The following PAM variants were observed in gnomAD, a reference collection of about 807,000 sequenced individuals.
PAM encodes the protein peptidylglycine alpha-amidating monooxygenase.
A neutral mutation model predicts 122.1 loss-of-function variants in PAM; 72 were observed. The ratio of observed to expected loss-of-function variants is 0.59; its 90% CI spans 0.49 to 0.72. The LOEUF (loss-of-function observed/expected upper bound fraction) is 0.72, where lower values mean the gene tolerates loss of function less well. PAM is among the 30% of genes least tolerant of loss of function. The pLI is 0.00. For missense variants in PAM, 1,106 were observed against 1,183.7 expected (o/e 0.93, Z 0.96); for synonymous variants, 389 against 404.4 (o/e 0.96, Z 0.46).
At chr5:102,803,342 C>T (rs986081482) in intron 1 of PAM, among the ~76,000 whole-genome samples, 16 of 151,956 alleles carry the variant, frequency 1.1e-4, no homozygotes, top group African/African-American at 3.9e-4. Flanking sequence ...AAATGGGTAA[C>T]AAGAGATGTT....
Position 102,808,787 on chromosome 5 carries a change from A to G in PAM, c.-374+53439A>G, listed in dbSNP as rs1057098623. Among the ~76,000 whole-genome samples, 6 of 152,328 alleles carry G rather than the reference A, an allele frequency of 3.9e-5. No individual in the cohort carries two copies. The East Asian group carries it at 1.2e-3, about 29-fold the overall frequency. ...GTATGAAGTTCAAAGTACAGTGATAATCATCATTCCATAGTTATGCCACAC... is the reference window on the plus strand; with the variant it reads ...GTATGAAGTTCAAAGTACAGTGATAGTCATCATTCCATAGTTATGCCACAC... On this transcript the variant is annotated intron_variant, in intron 1 of 25. Coordinates refer to ENST00000438793, the MANE Select transcript of PAM (RefSeq NM_001177306.2).
chr5:102,951,141 T>C (rs902083526), intron 12 of PAM, among the ~76,000 whole-genome samples: 51 of 152,078 alleles, frequency 3.4e-4, no homozygotes, highest in African/African-American at 1.1e-3. Flanking sequence ...GAAAATTTTT[T>C]TTCTCAAGTG....
chr5:102,928,958 T>TA lies in PAM; in HGVS notation c.526+2291dup, dbSNP rs200189707. Among the ~76,000 whole-genome samples, 1,435 of 152,114 alleles carry TA rather than the reference T, an allele frequency of 9.4e-3. 17 individuals carry two copies. The highest frequency in any genetic ancestry group is 0.016 in the Non-Finnish European group (1,121 of 67,970). ...ACTAGGACATTGGTTAAATAAATGGTATAACAACAAAAATAGCCAACAATA... is the reference window on the plus strand; with the variant it reads ...ACTAGGACATTGGTTAAATAAATGGTAATAACAACAAAAATAGCCAACAATA... On this transcript the variant is annotated intron_variant, in intron 7 of 25. Coordinates refer to ENST00000438793, the MANE Select transcript of PAM (RefSeq NM_001177306.2).
chr5:102,842,064 A>G (rs886235436), intron 1 of PAM, among the ~76,000 whole-genome samples: 9 of 152,120 alleles, frequency 5.9e-5, no homozygotes, highest in Non-Finnish European at 1.3e-4. Flanking sequence ...GGGTCCAAAC[A>G]TTATCGACAA....
At chr5:102,926,281 C>G (rs1207074668) in intron 6 of PAM, among the ~76,000 whole-genome samples, 1 of 152,174 alleles carries the variant, frequency 6.6e-6, no homozygotes, top group Non-Finnish European at 1.5e-5. Flanking sequence ...TTTAAATAAT[C>G]AATAGAGACA....
At chr5:102,904,994 T>C (rs1052653442) in intron 4 of PAM, among the ~76,000 whole-genome samples, 2 of 151,692 alleles carry the variant, frequency 1.3e-5, no homozygotes, top group East Asian at 1.9e-4. Flanking sequence ...TATTTAATTA[T>C]TGAATGTGAA....
intron 1 of PAM, among the ~76,000 whole-genome samples, chr5:102,833,720 A>G (rs763125752): frequency 2.0e-5 from 3 of 152,202 alleles, no homozygotes; most frequent in Non-Finnish European, 4.4e-5. Context: ...CCTCACAAAT[A>G]CTTGAAAGAC....
At chr5:102,898,302 TACAG>T (rs1350635015) in intron 3 of PAM, among the ~76,000 whole-genome samples, 2 of 151,576 alleles carry the variant, frequency 1.3e-5, no homozygotes, top group Non-Finnish European at 3.0e-5. Context: ...TTTAGTATTT[TACAG>T]ACAGTCCCCT....
At chr5:102,890,780 C>T (rs868205157) in intron 3 of PAM, among the ~76,000 whole-genome samples, 1 of 151,804 alleles carries the variant, frequency 6.6e-6, no homozygotes, top group Non-Finnish European at 1.5e-5. Context: ...GGGAAGAATA[C>T]AATGTACTAA....
intron 22 of PAM, 30 bp downstream of exon 22, chr5:103,017,463 T>G (rs1322224864): frequency 3.0e-6 from 4 of 1,344,470 alleles, no homozygotes; most frequent in South Asian, 2.4e-5. Context: ...ATTGTTCACA[T>G]TTTCCCTCAG....
At chr5:102,979,064 A>ACACACACACACG (rs1554150769) in intron 15 of PAM, among the ~76,000 whole-genome samples, 17 of 151,334 alleles carry the variant, frequency 1.1e-4, no homozygotes, top group African/African-American at 3.9e-4. Flanking sequence ...ACACACACGC[A>ACACACACACACG]CACACACATA....
chr5:102,840,167 T>C (rs1778206041), intron 1 of PAM, among the ~76,000 whole-genome samples: 1 of 152,154 alleles, frequency 6.6e-6, no homozygotes, highest in Non-Finnish European at 1.5e-5. Flanking sequence ...GAAACAAATT[T>C]AGAAACATAG....
At chr5:102,960,984 G>A (rs1235636910) in intron 13 of PAM, among the ~76,000 whole-genome samples, 174 bp from the exon 14 acceptor site, 1 of 96,028 alleles carries the variant, frequency 1.0e-5, no homozygotes, top group East Asian at 3.8e-4. Flanking sequence ...GTGCTGGGGG[G>A]TGGGGGGTGG....
intron 15 of PAM, among the ~76,000 whole-genome samples, chr5:102,988,695 GAAA>G (rs1174249193): frequency 9.5e-6 from 1 of 104,758 alleles, no homozygotes; most frequent in African/African-American, 3.0e-5. Flanking sequence ...AAGAAGGAAA[GAAA>G]GAGAAAGAGA....
intron 16 of PAM, among the ~76,000 whole-genome samples, chr5:102,991,423 T>C (rs547210022): frequency 5.3e-5 from 8 of 152,258 alleles, no homozygotes; most frequent in African/African-American, 1.7e-4. Flanking sequence ...AGATTTTTTA[T>C]CAATTACATC....
At chr5:102,943,470 A>G (rs1755961915) in intron 7 of PAM, among the ~76,000 whole-genome samples, 1 of 152,134 alleles carries the variant, frequency 6.6e-6, no homozygotes, top group Non-Finnish European at 1.5e-5. Flanking sequence ...CTGGTTACTT[A>G]CCCATTTTTG....
intron 14 of PAM, among the ~76,000 whole-genome samples, chr5:102,965,308 A>G (rs577940612): frequency 6.6e-6 from 1 of 151,870 alleles, no homozygotes; most frequent in Admixed American, 6.6e-5. Flanking sequence ...CAAAGCTATA[A>G]ACATCCTGAA....
At chr5:102,988,769 T>C (rs1303689942) in intron 15 of PAM, among the ~76,000 whole-genome samples, 6 of 151,976 alleles carry the variant, frequency 3.9e-5, no homozygotes, top group Admixed American at 1.3e-4. Context: ...TCAGCAAAGG[T>C]TGAACTAATC....
chr5:103,018,290 A>G (rs1471887439), intron 22 of PAM, among the ~76,000 whole-genome samples: 1 of 152,210 alleles, frequency 6.6e-6, no homozygotes, highest in Non-Finnish European at 1.5e-5. Flanking sequence ...ATGAAGAAAA[A>G]TATTAATTAT....
Sources: allele counts gnomAD v4.1 joint callset (sites outside exome capture counted in the v4.1 genomes callset), GRCh38; gene constraint gnomAD v4.1.1; transcripts MANE v1.5; gene names NCBI Gene and HGNC (gene_info 2026-07-23, HGNC 2026-07-21).